The following TRIM5 variants were observed in gnomAD, a reference collection of about 807,000 sequenced individuals.
The protein encoded by TRIM5 is tripartite motif containing 5, also known as tripartite motif-containing protein 5.
In TRIM5, 31 loss-of-function variants were observed where a neutral mutation model predicts 35.6. That is an observed-to-expected ratio of 0.87 (90% CI 0.65 to 1.18). TRIM5 has a LOEUF of 1.18. Among genes scored for constraint, TRIM5 ranks in the 50% most tolerant of loss-of-function variants. The pLI, the probability that TRIM5 is intolerant of heterozygous loss-of-function variation, is 0.00. For missense variants in TRIM5, 609 were observed against 591.6 expected (o/e 1.03, Z -0.31); for synonymous variants, 243 against 215.6 (o/e 1.13, Z -1.11).
chr11:5,616,070 C>T, the TRIM5 span, among the ~76,000 whole-genome samples: 1 of 151,522 alleles, frequency 6.6e-6, no homozygotes, highest in Non-Finnish European at 1.5e-5. Context: ...CCTGCCTCAG[C>T]CTCCCGAGTA....
At chr11:5,616,105 C>T in the TRIM5 span, among the ~76,000 whole-genome samples, 2 of 150,828 alleles carry the variant, frequency 1.3e-5, no homozygotes, top group East Asian at 2.0e-4. Flanking sequence ...CGCCCACCAC[C>T]ACGCCCGGCT....
At position 5,663,597 on chromosome 11, in the gene TRIM5, T is replaced by C; in HGVS notation, c.*1212A>G. On this transcript the variant is annotated 3_prime_UTR_variant, in exon 8 of 8. Coordinates refer to ENST00000380034, the MANE Select transcript of TRIM5 (RefSeq NM_033034.3). ...TCAGGAATTTATTTTTTCACAATGA[T>C]CCAAAGTATTAGATGAAGGTTTTTT... 1.0e-6 allele frequency: 1 copy of C among 958,126 alleles called. No individual in the cohort carries two copies. The highest frequency in any genetic ancestry group is 1.2e-6 in the Non-Finnish European group (1 of 804,822). The allele number at this position is 958,126 out of a possible 1,614,324, so 59.4% of individuals were successfully genotyped here.
chr11:5,601,001 A>G, the TRIM5 span, among the ~76,000 whole-genome samples: 1 of 152,084 alleles, frequency 6.6e-6, no homozygotes, highest in Non-Finnish European at 1.5e-5. Flanking sequence ...TTTATCAACA[A>G]CTCTTCCAAG....
the TRIM5 span, among the ~76,000 whole-genome samples, chr11:5,653,141 T>C: frequency 6.6e-6 from 1 of 152,124 alleles, no homozygotes; most frequent in African/African-American, 2.4e-5. Context: ...CATGAGCCAC[T>C]GTACCCGGCC....
the TRIM5 span, among the ~76,000 whole-genome samples, chr11:5,638,544 A>G: frequency 0.04 from 6,140 of 152,282 alleles, 395 homozygotes; most frequent in African/African-American, 0.14. Flanking sequence ...AAACAAATTA[A>G]CCCACAGTGG....
chr11:5,646,307 A>AT, the TRIM5 span, among the ~76,000 whole-genome samples: 2 of 152,082 alleles, frequency 1.3e-5, no homozygotes, highest in Admixed American at 6.6e-5. Flanking sequence ...ACTGACGTCA[A>AT]TTTTTTCTCC....
At position 5,678,415 on chromosome 11, in the gene TRIM5, T is replaced by C; in HGVS notation, c.533A>G (p.Lys178Arg). ...CTCAAAATCTGCCAAGACGTTGGTT[T>C]TGTCATACTGTATTTGAGTCTTCAG... ...ASWKTQIQYD[K>R]TNVLADFEQL... Residue 178 changes from lysine (K) to arginine (R), a missense_variant, in exon 4 of 8, where the codon AAA becomes AGA. Physicochemically the swap from Lys to Arg is conservative, Grantham distance 26. Coordinates refer to ENST00000380034, the MANE Select transcript of TRIM5 (RefSeq NM_033034.3). The C allele has an allele frequency of 6.3e-7, 1 of 1,582,798 alleles. No individual in the cohort carries two copies. Among genetic ancestry groups the C allele is most frequent in the Non-Finnish European group, 8.6e-7 (1 of 1,160,994 alleles).
At chr11:5,595,786 G>A in the TRIM5 span, among the ~76,000 whole-genome samples, 2 of 150,174 alleles carry the variant, frequency 1.3e-5, no homozygotes, top group Non-Finnish European at 3.0e-5. Flanking sequence ...TCCACCTCCC[G>A]GGTTCAAGCG....
chr11:5,640,299 C>A, the TRIM5 span, among the ~76,000 whole-genome samples: 1 of 152,024 alleles, frequency 6.6e-6, no homozygotes, highest in Non-Finnish European at 1.5e-5. Context: ...CTCTTCTATT[C>A]CAAGTTTGTT....
the TRIM5 span, chr11:5,641,093 CT>C: frequency 6.8e-7 from 1 of 1,466,402 alleles, no homozygotes; most frequent in South Asian, 1.5e-5. Flanking sequence ...TTTTTTCCTA[CT>C]GTTCTTCTTT....
At chr11:5,675,868 T>G (rs12361787) in intron 4 of TRIM5, among the ~76,000 whole-genome samples, 1 of 69,412 alleles carries the variant, frequency 1.4e-5, no homozygotes, top group Non-Finnish European at 3.2e-5. Flanking sequence ...CACCCCACCA[T>G]AGTCCCCAGA....
At chr11:5,605,672 A>C in the TRIM5 span, 25 of 1,361,332 alleles carry the variant, frequency 1.8e-5, no homozygotes, top group South Asian at 3.5e-4. Context: ...GACAAGAGAA[A>C]ACATTCCTTT....
At chr11:5,683,152 C>T (rs1412797334) in intron 1 of TRIM5, among the ~76,000 whole-genome samples, 1 of 152,230 alleles carries the variant, frequency 6.6e-6, no homozygotes, top group East Asian at 1.9e-4. Context: ...GGGCAGAGCT[C>T]AGGACCTGCA....
chr11:5,630,239 T>TGATGGC, the TRIM5 span, among the ~76,000 whole-genome samples: 6 of 152,206 alleles, frequency 3.9e-5, no homozygotes, highest in Non-Finnish European at 8.8e-5. Flanking sequence ...CAGGGGATGG[T>TGATGGC]GATGGCGATG....
the TRIM5 span, among the ~76,000 whole-genome samples, chr11:5,647,103 G>A: frequency 2.6e-5 from 4 of 152,146 alleles, no homozygotes; most frequent in Non-Finnish European, 4.4e-5. Flanking sequence ...GTCTGGAGAG[G>A]CCTAAGACCT....
the TRIM5 span, chr11:5,643,008 G>A: frequency 2.3e-6 from 3 of 1,320,858 alleles, no homozygotes; most frequent in African/African-American, 3.0e-5. Context: ...ATCAGTGCAA[G>A]TTTTTCAGTC....
chr11:5,671,360 G>A (rs1375768825), intron 4 of TRIM5, among the ~76,000 whole-genome samples: 1 of 148,658 alleles, frequency 6.7e-6, no homozygotes, highest in Non-Finnish European at 1.5e-5. Flanking sequence ...ATCCCCAAGT[G>A]ACCCCAGATG....
At position 5,679,988 on chromosome 11, in the gene TRIM5, G is replaced by C; in HGVS notation, c.190C>G (p.Pro64Ala). Residue 64 changes from proline (P) to alanine (A), a missense_variant, in exon 2 of 8, where the codon CCT becomes GCT. Physicochemically the swap from Pro to Ala is conservative, Grantham distance 27 (BLOSUM62 -1). Transcript: ENST00000380034. Reference protein sequence around the residue: ...SCPVCRISYQPENIRPNRHVA... With the variant: ...SCPVCRISYQAENIRPNRHVA... Reference sequence around the variant, plus strand: ...TGCCGATTAGGCCGTATGTTCTCAGGCTGGTAACTGATCCGGCACACAGGG... The same window carrying C: ...TGCCGATTAGGCCGTATGTTCTCAGCCTGGTAACTGATCCGGCACACAGGG... 1.9e-6 allele frequency: 3 copies of C among 1,614,066 alleles called. No homozygotes were observed. Among genetic ancestry groups the C allele is most frequent in the Non-Finnish European group, 2.5e-6 (3 of 1,180,008 alleles).
At chr11:5,605,447 G>T in the TRIM5 span, 2 of 1,614,206 alleles carry the variant, frequency 1.2e-6, no homozygotes, top group Non-Finnish European at 1.7e-6. Context: ...AGGAAGAGAA[G>T]AAGGGGCTAC....
Sources: gnomAD v4.1 joint callset for allele counts (sites outside exome capture counted in the v4.1 genomes callset) on GRCh38, gnomAD v4.1.1 for gene constraint, MANE v1.5 for transcripts, NCBI Gene and HGNC (gene_info 2026-07-23, HGNC 2026-07-21) for gene names.